TSHR: variants seen among roughly 807,000 people sequenced by gnomAD.
The protein encoded by TSHR is thyroid stimulating hormone receptor.
A neutral mutation model predicts 64.1 loss-of-function variants in TSHR; 51 were observed. That is an observed-to-expected ratio of 0.80 (90% confidence interval 0.64 to 1.01). The LOEUF (loss-of-function observed/expected upper bound fraction) is 1.01, where lower values mean the gene tolerates loss of function less well. TSHR is among the 50% of genes least tolerant of loss of function. The pLI is 0.00. For missense variants in TSHR, 877 were observed against 942.8 expected, an observed-to-expected ratio of 0.93 and a Z score of 0.91; for synonymous variants, 361 against 361.9, an observed-to-expected ratio of 1.00 and a Z score of 0.03.
intron 3 of TSHR, among the ~76,000 whole-genome samples, chr14:81,070,254 C>A (rs143125683): frequency 6.6e-6 from 1 of 151,976 alleles, no homozygotes; most frequent in Non-Finnish European, 1.5e-5. Context: ...CTGCAAACCC[C>A]GAAAGGATAA....
chr14:80,982,795 A>C, intron 1 of TSHR: 1 of 555,980 alleles, frequency 1.8e-6, no homozygotes, highest in Non-Finnish European at 3.2e-6. Context: ...TTGTAGGAAC[A>C]CTAACTCATG....
chr14:81,078,403 T>C (rs1433491040), intron 3 of TSHR, among the ~76,000 whole-genome samples: 2 of 152,214 alleles, frequency 1.3e-5, no homozygotes, highest in Non-Finnish European at 2.9e-5. Flanking sequence ...TATTCTCCTG[T>C]AAGTAATGTG....
intron 8 of TSHR, among the ~76,000 whole-genome samples, chr14:81,111,148 C>T (rs1267004100): frequency 6.6e-6 from 1 of 152,124 alleles, no homozygotes; most frequent in Non-Finnish European, 1.5e-5. Flanking sequence ...ATAGTGTAGA[C>T]CAGAACCACT....
chr14:81,024,074 C>G (rs564856645), intron 1 of TSHR, among the ~76,000 whole-genome samples: 1 of 152,196 alleles, frequency 6.6e-6, no homozygotes, highest in Non-Finnish European at 1.5e-5. Context: ...AAACCTGATT[C>G]TCCTGTTATC....
intron 1 of TSHR, among the ~76,000 whole-genome samples, chr14:81,030,065 A>T (rs1236360427): frequency 6.6e-6 from 1 of 152,170 alleles, no homozygotes; most frequent in African/African-American, 2.4e-5. Context: ...GGCCCTAGAA[A>T]CTTAGGACCT....
At chr14:81,082,446 C>G (rs1887973910) in intron 3 of TSHR, among the ~76,000 whole-genome samples, 1 of 152,212 alleles carries the variant, frequency 6.6e-6, no homozygotes, top group Admixed American at 6.5e-5. Flanking sequence ...AGCCCACCCC[C>G]TTTTGTGAAA....
At chr14:81,017,113 C>T (rs930053859) in intron 1 of TSHR, among the ~76,000 whole-genome samples, 1 of 152,158 alleles carries the variant, frequency 6.6e-6, no homozygotes, top group Non-Finnish European at 1.5e-5. Context: ...TGCAATCAGA[C>T]CTTGCAATGA....
chr14:81,108,477 T>C, intron 8 of TSHR, 25 bp downstream of exon 8: 1 of 1,601,044 alleles, frequency 6.2e-7, no homozygotes, highest in Non-Finnish European at 8.5e-7. Flanking sequence ...CAAAAGAATA[T>C]TTTAGTCTTT....
intron 1 of TSHR, among the ~76,000 whole-genome samples, chr14:80,976,124 G>T (rs1314748447): frequency 6.6e-6 from 1 of 152,148 alleles, no homozygotes; most frequent in African/African-American, 2.4e-5. Flanking sequence ...TGTTAGCCAG[G>T]ATGGTCTCCA....
intron 3 of TSHR, among the ~76,000 whole-genome samples, chr14:81,082,666 G>A (rs1245072950): frequency 1.3e-5 from 2 of 152,102 alleles, no homozygotes; most frequent in African/African-American, 4.8e-5. Flanking sequence ...AAAGAAGCTG[G>A]GGACTGGTGG....
intron 3 of TSHR, among the ~76,000 whole-genome samples, chr14:81,084,364 T>TTG (rs201975786): frequency 0.033 from 4,981 of 152,178 alleles, 236 homozygotes; most frequent in African/African-American, 0.1. Context: ...TACTTTTTTT[T>TTG]ATTTAGATAA....
chr14:81,078,382 A>G (rs1887650268), intron 3 of TSHR, among the ~76,000 whole-genome samples: 2 of 152,174 alleles, frequency 1.3e-5, no homozygotes, highest in South Asian at 4.1e-4. Context: ...GAGTAGTCGT[A>G]TCCGTGTTAT....
rs936712170 is a variant in TSHR at position 81,016,321 on chromosome 14, G to T, written c.171-45827G>T. On this transcript the variant is annotated intron_variant, in intron 1 of 9. Coordinates refer to ENST00000298171, the MANE Select transcript of TSHR (RefSeq NM_000369.5). ...TGTGTTGATAACCATCCTAACAGATGTGAGGTGATCTCTCACTACGGTTTT... is the reference window on the plus strand; with the variant it reads ...TGTGTTGATAACCATCCTAACAGATTTGAGGTGATCTCTCACTACGGTTTT... Among the ~76,000 whole-genome samples the T allele has an allele frequency of 3.3e-5, 5 of 152,322 alleles. No individual in the cohort carries two copies. In the East Asian group the frequency reaches 9.6e-4, roughly 29 times the overall value.
intron 1 of TSHR, among the ~76,000 whole-genome samples, chr14:81,038,588 C>A (rs12323350): frequency 0.24 from 36,807 of 150,384 alleles, 4,584 homozygotes; most frequent in South Asian, 0.33. Context: ...ACAAACCTTT[C>A]GCTAGACAAA....
Position 81,143,782 on chromosome 14 carries a change from A to T in TSHR, c.1724A>T (p.Glu575Val), listed in dbSNP as rs1891811853. The part of the protein sequence containing the change: ...KVSICLPMDT[E>V]TPLALAYIVF... ...AGTATCTGCCTGCCCATGGACACCG[A>T]GACCCCTCTTGCTCTGGCATATATT... The change falls in exon 10 of 10, where the codon GAG becomes GTG. Residue 575 changes from glutamate to valine, a missense_variant. Transcript: ENST00000298171. 3 of 1,614,158 alleles carry T rather than the reference A, an allele frequency of 1.9e-6. No individual in the cohort carries two copies. The highest frequency in any genetic ancestry group is 1.6e-4 in the Middle Eastern group (1 of 6,062).
chr14:81,071,937 A>G (rs1490724166), intron 3 of TSHR, among the ~76,000 whole-genome samples: 1 of 152,138 alleles, frequency 6.6e-6, no homozygotes, highest in East Asian at 1.9e-4. Context: ...TCTTTCAATT[A>G]GCCATTTTTA....
intron 1 of TSHR, among the ~76,000 whole-genome samples, chr14:81,035,467 G>A (rs1176681624): frequency 5.9e-5 from 9 of 152,130 alleles, no homozygotes; most frequent in East Asian, 1.9e-4. Flanking sequence ...TACAGAGAAC[G>A]AGCTGCTTGG....
chr14:81,093,420 G>A, intron 6 of TSHR, among the ~76,000 whole-genome samples: 1 of 152,224 alleles, frequency 6.6e-6, no homozygotes, highest in Non-Finnish European at 1.5e-5. Context: ...AAGTAGAGTT[G>A]GAGCTACCTC....
intron 1 of TSHR, among the ~76,000 whole-genome samples, chr14:81,021,372 T>G (rs374631021): frequency 6.6e-6 from 1 of 152,140 alleles, no homozygotes; most frequent in East Asian, 1.9e-4. Flanking sequence ...CATCTTACAC[T>G]GGTTAGATGT....
Sources: gnomAD v4.1 joint callset for allele counts (sites outside exome capture counted in the v4.1 genomes callset) on GRCh38, gnomAD v4.1.1 for gene constraint, MANE v1.5 for transcripts, NCBI Gene and HGNC (gene_info 2026-07-23, HGNC 2026-07-21) for gene names.